Variants in LRRC1 observed in about 807,000 individuals in gnomAD.
LRRC1 encodes leucine rich repeat containing 1.
Under a neutral mutation model 69.9 loss-of-function variants are expected in LRRC1, and 28 were observed. That is an observed-to-expected ratio of 0.40 (90% CI 0.30 to 0.55). The LOEUF (loss-of-function observed/expected upper bound fraction) is 0.55, where lower values mean the gene tolerates loss of function less well. Among genes scored for constraint, LRRC1 ranks in the 20% least tolerant of loss-of-function variants. The probability of loss-of-function intolerance (pLI) is 0.47; values close to 1 mark genes in which losing one functional copy is unlikely to be tolerated. For missense variants in LRRC1, 498 were observed against 609.0 expected (o/e 0.82, Z 1.92); for synonymous variants, 236 against 240.2 (o/e 0.98, Z 0.16).
At chr6:53,799,298 G>A (rs1210023472) in intron 1 of LRRC1, among the ~76,000 whole-genome samples, 1 of 152,066 alleles carries the variant, frequency 6.6e-6, no homozygotes. Flanking sequence ...CCATATATTT[G>A]CTTTCTTGTT....
chr6:53,809,605 G>C (rs144681247), intron 1 of LRRC1, among the ~76,000 whole-genome samples: 1 of 152,274 alleles, frequency 6.6e-6, no homozygotes, highest in African/African-American at 2.4e-5. Flanking sequence ...ATATTTACTT[G>C]TGTACTTTAT....
intron 1 of LRRC1, among the ~76,000 whole-genome samples, chr6:53,814,042 G>A (rs1562026958): frequency 6.6e-6 from 1 of 151,910 alleles, no homozygotes; most frequent in Non-Finnish European, 1.5e-5. Flanking sequence ...TTCTTGATTC[G>A]TACTTCCTCT....
intron 4 of LRRC1, among the ~76,000 whole-genome samples, chr6:53,888,836 A>G (rs2127433321): frequency 6.6e-6 from 1 of 152,330 alleles, no homozygotes; most frequent in East Asian, 1.9e-4. Flanking sequence ...AGTCTGTGTA[A>G]CAAAAGAAAA....
intron 4 of LRRC1, among the ~76,000 whole-genome samples, chr6:53,893,340 T>C (rs1283777537): frequency 6.6e-6 from 1 of 152,192 alleles, no homozygotes; most frequent in Non-Finnish European, 1.5e-5. Flanking sequence ...GATTCAAGCC[T>C]GGGCCCCAGG....
At chr6:53,852,491 T>C (rs1421565893) in intron 2 of LRRC1, among the ~76,000 whole-genome samples, 1 of 152,168 alleles carries the variant, frequency 6.6e-6, no homozygotes, top group East Asian at 1.9e-4. Flanking sequence ...ACATGTGTCA[T>C]TTAATCCACA....
chr6:53,807,407 A>G (rs1193708279), intron 1 of LRRC1, among the ~76,000 whole-genome samples: 1 of 152,246 alleles, frequency 6.6e-6, no homozygotes, highest in Non-Finnish European at 1.5e-5. Context: ...TGGAAAACAG[A>G]TAAGAAAATA....
At chr6:53,873,690 T>A (rs1229300965) in intron 2 of LRRC1, among the ~76,000 whole-genome samples, 1 of 152,100 alleles carries the variant, frequency 6.6e-6, no homozygotes, top group Non-Finnish European at 1.5e-5. Context: ...TATGGAGTCT[T>A]TAGGGTTTTC....
chr6:53,847,066 G>C (rs1765971096), intron 2 of LRRC1, among the ~76,000 whole-genome samples: 1 of 152,190 alleles, frequency 6.6e-6, no homozygotes, highest in Non-Finnish European at 1.5e-5. Context: ...AGCACTGCTA[G>C]AGATGATTTT....
chr6:53,841,077 C>G (rs1765773473), intron 1 of LRRC1, among the ~76,000 whole-genome samples: 1 of 152,088 alleles, frequency 6.6e-6, no homozygotes, highest in Non-Finnish European at 1.5e-5. Context: ...TGCCCAGGAG[C>G]CGGGATGCAG....
chr6:53,795,238 G>C lies in LRRC1; in HGVS notation c.-19G>C. On this transcript the variant is annotated 5_prime_UTR_variant, in exon 1 of 14. Transcript: ENST00000370888. ...GTCTCCGCCGCTCGGGACCCGGCTA[G>C]GCGGCGGCGGGGGCGGCGATGTTCC... The C allele has an allele frequency of 6.3e-7, 1 of 1,587,164 alleles. No individual in the cohort carries two copies. The highest frequency in any genetic ancestry group is 8.5e-7 in the Non-Finnish European group (1 of 1,169,700).
At chr6:53,796,072 G>T (rs879016275) in intron 1 of LRRC1, among the ~76,000 whole-genome samples, 1 of 152,238 alleles carries the variant, frequency 6.6e-6, no homozygotes, top group African/African-American at 2.4e-5. Context: ...CCCGGGCCTT[G>T]CCTACGTGGA....
At chr6:53,891,739 T>A (rs1166159029) in intron 4 of LRRC1, among the ~76,000 whole-genome samples, 1 of 152,064 alleles carries the variant, frequency 6.6e-6, no homozygotes, top group Non-Finnish European at 1.5e-5. Context: ...TCCTAGCACT[T>A]TGGGCAGGCC....
At chr6:53,882,844 A>G (rs1392582179) in intron 3 of LRRC1, 43 bp from the exon 4 acceptor site, 1 of 1,279,860 alleles carries the variant, frequency 7.8e-7, no homozygotes, top group East Asian at 2.3e-5. Context: ...CTATACATGA[A>G]CTTTTTTAAT....
chr6:53,920,438 CT>C (rs1315636966), intron 12 of LRRC1, 186 bp from the exon 13 acceptor site: 2 of 532,844 alleles, frequency 3.8e-6, no homozygotes, highest in Non-Finnish European at 6.6e-6. Context: ...AGGCCTTTTT[CT>C]TTTTGTTTTT....
chr6:53,894,152 A>C (rs947063879), intron 4 of LRRC1, among the ~76,000 whole-genome samples: 5 of 152,202 alleles, frequency 3.3e-5, no homozygotes, highest in Non-Finnish European at 7.3e-5. Flanking sequence ...TGAGGGCAGG[A>C]GCTTTGGCAT....
chr6:53,827,190 T>C (rs1388007412), intron 1 of LRRC1, among the ~76,000 whole-genome samples: 1 of 152,116 alleles, frequency 6.6e-6, no homozygotes, highest in Non-Finnish European at 1.5e-5. Flanking sequence ...AAAGCTGCTC[T>C]CTCTGCCCAT....
At chr6:53,876,709 G>C (rs1247530417) in intron 2 of LRRC1, among the ~76,000 whole-genome samples, 1 of 152,202 alleles carries the variant, frequency 6.6e-6, no homozygotes, top group East Asian at 1.9e-4. Flanking sequence ...GATCTCCTTT[G>C]ACTCCATGTC....
At chr6:53,908,806 T>A (rs1205733330) in intron 10 of LRRC1, among the ~76,000 whole-genome samples, 1 of 152,038 alleles carries the variant, frequency 6.6e-6, no homozygotes, top group South Asian at 2.1e-4. Context: ...TATAGAGAAG[T>A]AGACAAAAAG....
chr6:53,903,570 C>T (rs1768134639), intron 9 of LRRC1, among the ~76,000 whole-genome samples: 1 of 98,248 alleles, frequency 1.0e-5, no homozygotes. Flanking sequence ...TTTTCCTTTT[C>T]CTTTTCGCTT....
Sources: allele counts gnomAD v4.1 joint callset (sites outside exome capture counted in the v4.1 genomes callset), GRCh38; gene constraint gnomAD v4.1.1; transcripts MANE v1.5; gene names NCBI Gene and HGNC (gene_info 2026-07-23, HGNC 2026-07-21).